IGF1R: variants seen among roughly 807,000 people sequenced by gnomAD.
The protein encoded by IGF1R is insulin like growth factor 1 receptor, also known as insulin-like growth factor 1 receptor.
Under a neutral mutation model 144.6 loss-of-function variants are expected in IGF1R, and 44 were observed. The ratio of observed to expected loss-of-function variants is 0.30; its 90% CI spans 0.24 to 0.39. The LOEUF (loss-of-function observed/expected upper bound fraction) is 0.39. IGF1R is among the 10% of genes least tolerant of loss of function. The pLI is 1.00. For missense variants in IGF1R, 1,355 were observed against 1,833.7 expected (o/e 0.74, Z 4.77); for synonymous variants, 795 against 722.8 (o/e 1.10, Z -1.60).
chr15:98,705,080 C>T (rs78578210), intron 1 of IGF1R, among the ~76,000 whole-genome samples: 302 of 152,172 alleles, frequency 2.0e-3, no homozygotes, highest in Middle Eastern at 0.017. Flanking sequence ...GAGTCTGGGC[C>T]AGTGACATGA....
chr15:98,864,962 C>G (rs1413552716), intron 2 of IGF1R, among the ~76,000 whole-genome samples: 1 of 152,116 alleles, frequency 6.6e-6, no homozygotes, highest in Non-Finnish European at 1.5e-5. Flanking sequence ...TTTTTCCTCA[C>G]TGATATTTGT....
At chr15:98,748,253 A>G (rs1405043070) in intron 2 of IGF1R, among the ~76,000 whole-genome samples, 2 of 152,204 alleles carry the variant, frequency 1.3e-5, no homozygotes, top group East Asian at 3.8e-4. Flanking sequence ...TGGGACCTCA[A>G]ACACCTGGGT....
chr15:98,680,647 C>G (rs1303595461), intron 1 of IGF1R, among the ~76,000 whole-genome samples: 1 of 152,136 alleles, frequency 6.6e-6, no homozygotes, highest in Non-Finnish European at 1.5e-5. Flanking sequence ...TCATTGCAGC[C>G]TTGAACTCCT....
In IGF1R at chr15:98,960,007, A is replaced by T. The variant is rs573409646; in HGVS notation, c.*2565A>T. ...TGTATGTGTGGGGTGTGTGTGTGTG[A>T]GAGTGATGGGACAGTTCTTGATTTT... On this transcript the variant is annotated 3_prime_UTR_variant, in exon 21 of 21. Transcript: ENST00000650285. 4.7e-5 allele frequency: 11 copies of T among 233,106 alleles called. No individual in the cohort carries two copies. The highest frequency in any genetic ancestry group is 1.1e-4 in the Admixed American group (2 of 17,770). 14.4% of individuals were successfully genotyped at this position (233,106 alleles called of 1,614,324 possible).
chr15:98,663,238 C>T (rs1349118390), intron 1 of IGF1R, among the ~76,000 whole-genome samples: 1 of 151,986 alleles, frequency 6.6e-6, no homozygotes, highest in Non-Finnish European at 1.5e-5. Context: ...AGAGAGCAGT[C>T]CCAGTTGATG....
intron 2 of IGF1R, among the ~76,000 whole-genome samples, chr15:98,786,214 G>T (rs2055991129): frequency 6.6e-6 from 1 of 152,198 alleles, no homozygotes; most frequent in Non-Finnish European, 1.5e-5. Context: ...CCAGTCATTT[G>T]GGGTCAGCAC....
intron 2 of IGF1R, among the ~76,000 whole-genome samples, chr15:98,800,640 A>G (rs4966028): frequency 0.95 from 144,964 of 151,992 alleles, 69,193 homozygotes; most frequent in Middle Eastern, 0.98. Context: ...CCCTCCCTCC[A>G]CCTATTTGGA....
In IGF1R at chr15:98,745,001, C is replaced by G. The variant is rs28733306; in HGVS notation, c.640+36894C>G. On this transcript the variant is annotated intron_variant, in intron 2 of 20. Coordinates refer to ENST00000650285, the MANE Select transcript of IGF1R (RefSeq NM_000875.5). The stretch of plus-strand genomic sequence containing the variant: ...CAGGATTGAATCGTAGCCTTGTCCT[C>G]TGACCTGGAGGTCTGGGAGTAACTC... Among the ~76,000 whole-genome samples, 730 of 152,274 alleles carry G rather than the reference C, an allele frequency of 4.8e-3. 8 individuals carry two copies. Among genetic ancestry groups the G allele is most frequent in the African/African-American group, 0.017 (686 of 41,564 alleles).
intron 2 of IGF1R, among the ~76,000 whole-genome samples, chr15:98,802,753 C>T (rs924375906): frequency 2.0e-5 from 3 of 152,174 alleles, no homozygotes; most frequent in African/African-American, 7.2e-5. Flanking sequence ...CTTCTCAAAG[C>T]ACAAGATATT....
At chr15:98,852,757 A>G (rs956825924) in intron 2 of IGF1R, among the ~76,000 whole-genome samples, 8 of 151,910 alleles carry the variant, frequency 5.3e-5, no homozygotes, top group Admixed American at 1.3e-4. Context: ...GTTTCCCTCC[A>G]TGTCTGTTTT....
intron 13 of IGF1R, among the ~76,000 whole-genome samples, chr15:98,927,929 T>A (rs1193984131): frequency 6.6e-6 from 1 of 152,206 alleles, no homozygotes; most frequent in Non-Finnish European, 1.5e-5. Flanking sequence ...CTCAGATTCC[T>A]TGTGCCAAAA....
intron 10 of IGF1R, among the ~76,000 whole-genome samples, chr15:98,921,134 C>T (rs539402334): frequency 5.3e-5 from 8 of 152,342 alleles, no homozygotes; most frequent in African/African-American, 7.2e-5. Context: ...TGACCCCAGC[C>T]GAAGGCCTCA....
chr15:98,671,076 G>A (rs1455029537), intron 1 of IGF1R, among the ~76,000 whole-genome samples: 8 of 152,164 alleles, frequency 5.3e-5, no homozygotes, highest in Non-Finnish European at 1.0e-4. Context: ...GGTGTCTCAC[G>A]TTGATGCAAA....
intron 2 of IGF1R, among the ~76,000 whole-genome samples, chr15:98,839,385 C>G (rs1178511020): frequency 6.6e-6 from 1 of 152,156 alleles, no homozygotes; most frequent in East Asian, 1.9e-4. Flanking sequence ...TCCCCCACCT[C>G]CCTACCACCA....
rs774259609 is a variant in IGF1R at position 98,957,335 on chromosome 15, G to T, written c.3997G>T (p.Val1333Leu). Residue 1333 changes from valine (V) to leucine (L), a missense_variant, in exon 21 of 21, where the codon GTG becomes TTG. Transcript: ENST00000650285. Reference protein sequence around the residue: ...HKAENGPGPGVLVLRASFDER... With the variant: ...HKAENGPGPGLLVLRASFDER... The stretch of plus-strand genomic sequence containing the variant: ...GGCCGAGAACGGCCCCGGCCCTGGG[G>T]TGCTGGTCCTCCGCGCCAGCTTCGA... 6.2e-7 allele frequency: 1 copy of T among 1,612,270 alleles called. No homozygotes were observed. The highest frequency in any genetic ancestry group is 1.1e-5 in the South Asian group (1 of 91,036).
At chr15:98,718,371 T>A (rs1365159999) in intron 2 of IGF1R, among the ~76,000 whole-genome samples, 1 of 152,202 alleles carries the variant, frequency 6.6e-6, no homozygotes, top group Non-Finnish European at 1.5e-5. Flanking sequence ...CTGCACCCAC[T>A]GCCCCAACGT....
chr15:98,741,737 A>G (rs1411261186), intron 2 of IGF1R, among the ~76,000 whole-genome samples: 1 of 152,222 alleles, frequency 6.6e-6, no homozygotes, highest in Non-Finnish European at 1.5e-5. Context: ...GAGATACTGT[A>G]TGCAAAGAAT....
In IGF1R at chr15:98,916,683, A is replaced by G; in HGVS notation, c.2008A>G (p.Ile670Val). The change falls in exon 10 of 21, where the codon ATC becomes GTC. Residue 670 changes from isoleucine (I) to valine (V), a missense_variant. By Grantham distance (29) the Ile-to-Val change is conservative. Coordinates refer to ENST00000650285, the MANE Select transcript of IGF1R (RefSeq NM_000875.5). ...TCTTTTCCGAGAAGACAAAATCCCC[A>G]TCAGGAAGTATGCCGACGGCACCAT... ...HNYCSKDKIP[I>V]RKYADGTIDI... 1 of 1,614,068 alleles carries G rather than the reference A, an allele frequency of 6.2e-7. No individual in the cohort carries two copies. The highest frequency in any genetic ancestry group is 8.5e-7 in the Non-Finnish European group (1 of 1,179,992).
intron 2 of IGF1R, among the ~76,000 whole-genome samples, chr15:98,862,093 G>GA (rs919555930): frequency 2.2e-4 from 34 of 152,218 alleles, no homozygotes; most frequent in African/African-American, 8.0e-4. Flanking sequence ...GGTGGATCAG[G>GA]AAACTGTAGG....
Sources: allele counts gnomAD v4.1 joint callset (sites outside exome capture counted in the v4.1 genomes callset), GRCh38; gene constraint gnomAD v4.1.1; transcripts MANE v1.5; gene names NCBI Gene and HGNC (gene_info 2026-07-23, HGNC 2026-07-21).